Variants in FN1 observed in about 807,000 individuals in gnomAD.
FN1 encodes fibronectin.
Under a neutral mutation model 297.3 loss-of-function variants are expected in FN1, and 106 were observed. The observed-to-expected ratio is 0.36, with a 90% CI of 0.30 to 0.42. The LOEUF (loss-of-function observed/expected upper bound fraction) is 0.42, where lower values mean the gene tolerates loss of function less well. FN1 is among the 10% of genes least tolerant of loss of function. The probability of loss-of-function intolerance (pLI) is 1.00; values close to 1 mark genes in which losing one functional copy is unlikely to be tolerated. For missense variants in FN1, 2,690 were observed against 3,124.9 expected (o/e 0.86, Z 3.32); for synonymous variants, 1,149 against 1,152.6 (o/e 1.00, Z 0.06).
chr2:215,387,295 C>G (rs528331460), intron 27 of FN1, among the ~76,000 whole-genome samples: 5 of 152,254 alleles, frequency 3.3e-5, no homozygotes, highest in Non-Finnish European at 7.4e-5. Context: ...TTGACATTTT[C>G]AAATTCTTCA....
intron 15 of FN1, 139 bp downstream of exon 15, chr2:215,409,424 C>T: frequency 1.2e-6 from 1 of 815,950 alleles, no homozygotes; most frequent in Non-Finnish European, 2.1e-6. Flanking sequence ...CTTCCTCATG[C>T]CAGAGGGTGG....
rs1011533450 is a variant in FN1, at chr2:215,431,736, G to A, written c.547+97C>T. The A allele has an allele frequency of 1.5e-5, 19 of 1,232,850 alleles. No homozygotes were observed. The East Asian group carries it at 3.9e-4, about 26-fold the overall frequency. 76.4% of individuals were successfully genotyped at this position (1,232,850 alleles called of 1,614,324 possible). On this transcript the variant is annotated intron_variant, in intron 4 of 45. Coordinates refer to ENST00000354785, the MANE Select transcript of FN1 (RefSeq NM_212482.4). ...TCCCATTTCTTTATTGGTTTTCACT[G>A]GAATTCAGGTCTATGACCTATGTAG...
At chr2:215,373,015 AAGG>A (rs2056543294) in intron 39 of FN1, among the ~76,000 whole-genome samples, 2 of 152,122 alleles carry the variant, frequency 1.3e-5, no homozygotes, top group African/African-American at 2.4e-5. Flanking sequence ...AATTCAACAG[AAGG>A]TATAAAAGAA....
At position 215,386,934 on chromosome 2, in the gene FN1, T is replaced by C. The variant is rs1481999161; in HGVS notation, c.4367A>G (p.Asp1456Gly). The change falls in exon 28 of 46, where the codon GAC becomes GGC. Residue 1456 changes from aspartate (D) to glycine (G), a missense_variant. By Grantham distance (94) the Asp-to-Gly change is moderately conservative. This residue lies in a region of FN1 where 1,743 missense variants were observed against 1,945.2 expected (regional missense o/e 0.90). Coordinates refer to ENST00000354785, the MANE Select transcript of FN1 (RefSeq NM_212482.4). The stretch of plus-strand genomic sequence containing the variant: ...AGAGTTGGCAGTAATATCAGAAAAG[T>C]CAATGCCAGTTGGGGAATCAAGACC... ...KTGLDSPTGIDFSDITANSFT... is the reference protein window; with the variant it reads ...KTGLDSPTGIGFSDITANSFT... 1 of 1,611,826 alleles carries C rather than the reference T, an allele frequency of 6.2e-7. No homozygotes were observed. Among genetic ancestry groups the C allele is most frequent in the Non-Finnish European group, 8.5e-7 (1 of 1,179,364 alleles).
intron 12 of FN1, 109 bp from the exon 13 acceptor site, chr2:215,415,067 G>T: frequency 1.3e-6 from 1 of 796,286 alleles, no homozygotes; most frequent in South Asian, 1.5e-5. Flanking sequence ...GTCGTTAAAT[G>T]TGAGTATAAT....
At chr2:215,416,429 G>A (rs1021244767) in intron 12 of FN1, among the ~76,000 whole-genome samples, 1 of 152,092 alleles carries the variant, frequency 6.6e-6, no homozygotes, top group Admixed American at 6.6e-5. Flanking sequence ...TGTTTATGAA[G>A]ATCCTTACAA....
chr2:215,392,028 G>A, intron 25 of FN1: 1 of 545,384 alleles, frequency 1.8e-6, no homozygotes, highest in South Asian at 2.3e-5. Context: ...TAACCTTTTT[G>A]CCATCATTGA....
At chr2:215,373,671 C>CTTTTTTTT (rs58966623) in intron 38 of FN1, among the ~76,000 whole-genome samples, 1 of 125,450 alleles carries the variant, frequency 8.0e-6, no homozygotes, top group Non-Finnish European at 1.6e-5. Context: ...CCAGGGTATT[C>CTTTTTTTT]TTTTTTTTTT....
At position 215,409,937 on chromosome 2, in the gene FN1, T is replaced by A; in HGVS notation, c.2119A>T (p.Thr707Ser). Residue 707 changes from threonine (T) to serine (S), a missense_variant, in exon 14 of 46, where the codon ACC becomes TCC. By Grantham distance (58) the Thr-to-Ser change is moderately conservative (BLOSUM62 1). This residue lies in a region of FN1 where 876 missense variants were observed against 1,058.1 expected (regional missense o/e 0.83). Coordinates refer to ENST00000354785, the MANE Select transcript of FN1 (RefSeq NM_212482.4). Reference sequence around the variant, plus strand: ...ATGAGGGTGGTTGTGTACATACTGGTCACAGGTGTGCTGGTGCTGGTGGTG... The same window carrying A: ...ATGAGGGTGGTTGTGTACATACTGGACACAGGTGTGCTGGTGCTGGTGGTG... ...FTTTSTSTPV[T>S]SNTVTGETTP... 2 of 1,613,678 alleles carry A rather than the reference T, an allele frequency of 1.2e-6. No individual in the cohort carries two copies. Among genetic ancestry groups the A allele is most frequent in the Non-Finnish European group, 8.5e-7 (1 of 1,179,968 alleles).
intron 25 of FN1, 142 bp downstream of exon 25, chr2:215,392,789 T>C (rs1289982182): frequency 1.1e-6 from 1 of 887,670 alleles, no homozygotes. Flanking sequence ...ATGCATTTGA[T>C]TCCTTATCCC....
At chr2:215,395,746 T>C (rs2060235708) in intron 23 of FN1, among the ~76,000 whole-genome samples, 1 of 152,126 alleles carries the variant, frequency 6.6e-6, no homozygotes. Context: ...TATTTTGCCA[T>C]TAGGAACAGG....
At chr2:215,398,223 G>A (rs1185163112) in intron 21 of FN1, among the ~76,000 whole-genome samples, 1 of 152,178 alleles carries the variant, frequency 6.6e-6, no homozygotes, top group East Asian at 1.9e-4. Flanking sequence ...TCCCTTTAAC[G>A]AGTTATTCAC....
intron 39 of FN1, 196 bp from the exon 40 acceptor site, chr2:215,372,571 T>C: frequency 3.2e-6 from 2 of 621,762 alleles, no homozygotes; most frequent in Non-Finnish European, 2.8e-6. Flanking sequence ...GGTTTCTTTA[T>C]AGTTTAGAAA....
At chr2:215,396,531 T>TA (rs935368347) in intron 23 of FN1, among the ~76,000 whole-genome samples, 21 of 151,562 alleles carry the variant, frequency 1.4e-4, no homozygotes, top group Non-Finnish European at 2.8e-4. Context: ...AGAATATAAT[T>TA]AAAAAAAAAT....
chr2:215,391,563 T>G, intron 26 of FN1, 69 bp downstream of exon 26: 2 of 1,410,964 alleles, frequency 1.4e-6, no homozygotes, highest in Non-Finnish European at 2.0e-6. Context: ...TCCTCCTACT[T>G]GAGAATTTAG....
intron 6 of FN1, 94 bp downstream of exon 6, chr2:215,428,086 A>T: frequency 1.4e-6 from 2 of 1,438,872 alleles, no homozygotes; most frequent in African/African-American, 2.8e-5. Context: ...ACTGCAAATT[A>T]TCCTCAAATG....
At chr2:215,393,934 TAGAC>T (rs138415782) in intron 24 of FN1, among the ~76,000 whole-genome samples, 4,420 of 152,296 alleles carry the variant, frequency 0.029, 52 homozygotes, top group Middle Eastern at 0.037. Context: ...AGCCTATCCT[TAGAC>T]AGGCCTTTGC....
chr2:215,422,190 G>C lies in FN1; in HGVS notation c.1447C>G (p.Gln483Glu). ...NEGVMYRIGD[Q>E]WDKQHDMGHM... ...CCCATGTCATGCTGCTTATCCCACT[G>C]ATCTCCAATGCGGTACATGACCCCT... is the stretch of plus-strand genomic sequence containing the variant. The change falls in exon 10 of 46, where the codon CAG becomes GAG. Residue 483 changes from glutamine (Q) to glutamate (E), a missense_variant. Physicochemically the swap from Gln to Glu is conservative, Grantham distance 29 (BLOSUM62 2). Transcript: ENST00000354785. The C allele has an allele frequency of 6.2e-7, 1 of 1,614,008 alleles. No homozygotes were observed. The highest frequency in any genetic ancestry group is 2.2e-5 in the East Asian group (1 of 44,884).
rs183120644 is a variant in FN1, at chr2:215,431,814, A to T, written c.547+19T>A. On this transcript the variant is annotated intron_variant, in intron 4 of 45. Coordinates refer to ENST00000354785, the MANE Select transcript of FN1 (RefSeq NM_212482.4). ...GAACTAAGCATCCCAGCTCTTGCTC[A>T]GCCCTAAGACTCACACACCTATGGG... The T allele has an allele frequency of 6.2e-7, 1 of 1,613,918 alleles. No homozygotes were observed. The highest frequency in any genetic ancestry group is 1.7e-5 in the Admixed American group (1 of 60,008).
Sources: allele counts gnomAD v4.1 joint callset (sites outside exome capture counted in the v4.1 genomes callset), GRCh38; gene constraint gnomAD v4.1.1; regional missense constraint gnomAD v4.1.1; transcripts MANE v1.5; gene names NCBI Gene and HGNC (gene_info 2026-07-23, HGNC 2026-07-21).